The following GPHN variants were observed in gnomAD, a reference collection of about 807,000 sequenced individuals.
GPHN encodes the protein gephyrin.
GPHN carries 17 observed loss-of-function variants against 95.5 expected under a neutral mutation model. That is an observed-to-expected ratio of 0.18 (90% CI 0.12 to 0.27). The LOEUF is 0.27. Among genes scored for constraint, GPHN ranks in the 10% least tolerant of loss-of-function variants. The pLI, the probability that GPHN is intolerant of heterozygous loss-of-function variation, is 1.00. For synonymous variants in GPHN, 320 were observed against 322.5 expected (o/e 0.99, Z 0.08); for missense variants, 660 against 978.1 (o/e 0.67, Z 4.34).
At chr14:67,175,574 T>C (rs142043216) in intron 21 of GPHN, among the ~76,000 whole-genome samples, 2,218 of 152,288 alleles carry the variant, frequency 0.015, 41 homozygotes, top group African/African-American at 0.049. Context: ...CTTTTTTGGT[T>C]CCATATGAAC....
chr14:66,849,094 A>T (rs930370011), intron 4 of GPHN, among the ~76,000 whole-genome samples: 5 of 152,080 alleles, frequency 3.3e-5, no homozygotes, highest in Non-Finnish European at 5.9e-5. Flanking sequence ...ATATTTAGAA[A>T]GATTAAATGA....
At chr14:66,531,465 A>C (rs1197296392) in intron 1 of GPHN, among the ~76,000 whole-genome samples, 1 of 152,208 alleles carries the variant, frequency 6.6e-6, no homozygotes, top group Non-Finnish European at 1.5e-5. Flanking sequence ...ATTGTCAATT[A>C]TGCATCACAA....
the GPHN span, among the ~76,000 whole-genome samples, chr14:67,526,974 A>G: frequency 6.6e-6 from 1 of 152,200 alleles, no homozygotes; most frequent in Non-Finnish European, 1.5e-5. Context: ...TAATAGACCT[A>G]TTGGTTCAGG....
intron 1 of GPHN, among the ~76,000 whole-genome samples, chr14:66,665,952 G>C (rs1289098070): frequency 6.6e-6 from 1 of 152,130 alleles, no homozygotes; most frequent in Non-Finnish European, 1.5e-5. Context: ...TCCTTTGTAG[G>C]GGCATGGATG....
chr14:66,542,511 T>A (rs971700715), intron 1 of GPHN, among the ~76,000 whole-genome samples: 3 of 152,180 alleles, frequency 2.0e-5, no homozygotes, highest in Non-Finnish European at 2.9e-5. Context: ...TACCCATTAT[T>A]CTTTACTTTT....
intron 10 of GPHN, among the ~76,000 whole-genome samples, chr14:67,037,840 G>A (rs1306273200): frequency 1.3e-5 from 2 of 151,466 alleles, no homozygotes; most frequent in Non-Finnish European, 3.0e-5. Context: ...TGGAACCCTT[G>A]TGCCCTGTTG....
intron 9 of GPHN, among the ~76,000 whole-genome samples, chr14:67,014,368 T>C (rs766235098): frequency 1.3e-5 from 2 of 152,164 alleles, no homozygotes; most frequent in South Asian, 4.1e-4. Context: ...CTAATAATGG[T>C]AGAGCCAAAA....
At chr14:66,553,851 A>G (rs1267009209) in intron 1 of GPHN, among the ~76,000 whole-genome samples, 1 of 152,218 alleles carries the variant, frequency 6.6e-6, no homozygotes, top group African/African-American at 2.4e-5. Flanking sequence ...CTGGGATTAC[A>G]GGCATGAGCC....
At chr14:66,955,389 A>G (rs1308833806) in intron 8 of GPHN, among the ~76,000 whole-genome samples, 1 of 152,168 alleles carries the variant, frequency 6.6e-6, no homozygotes, top group African/African-American at 2.4e-5. Flanking sequence ...TTGTTGGCAT[A>G]CAGTTGTTCC....
chr14:66,675,221 G>A (rs1487010614), intron 1 of GPHN, among the ~76,000 whole-genome samples: 1 of 147,882 alleles, frequency 6.8e-6, no homozygotes, highest in Non-Finnish European at 1.5e-5. Context: ...TCGGCTCACT[G>A]CAACCTCTGC....
At chr14:66,833,090 G>A (rs1174054827) in intron 4 of GPHN, among the ~76,000 whole-genome samples, 1 of 152,098 alleles carries the variant, frequency 6.6e-6, no homozygotes. Context: ...GAGATTTACT[G>A]TATTAGTCTG....
the GPHN span, among the ~76,000 whole-genome samples, chr14:67,494,344 G>C: frequency 3.2e-3 from 480 of 152,338 alleles, 2 homozygotes; most frequent in Non-Finnish European, 4.5e-3. Flanking sequence ...AGGCCGAGAA[G>C]AGAATTTAGA....
the GPHN span, among the ~76,000 whole-genome samples, chr14:67,734,991 T>C: frequency 6.6e-6 from 1 of 152,224 alleles, no homozygotes; most frequent in Non-Finnish European, 1.5e-5. Flanking sequence ...GTTAAATATC[T>C]GGCTAGAGAA....
chr14:67,477,805 C>T, the GPHN span, among the ~76,000 whole-genome samples: 1 of 152,096 alleles, frequency 6.6e-6, no homozygotes, highest in Non-Finnish European at 1.5e-5. Flanking sequence ...TTATCTTTTC[C>T]CCAAAACCTG....
chr14:67,374,945 G>A, the GPHN span, among the ~76,000 whole-genome samples: 2 of 152,156 alleles, frequency 1.3e-5, no homozygotes, highest in African/African-American at 2.4e-5. Flanking sequence ...TGGGATGAGG[G>A]TAACGGAGAC....
chr14:67,667,038 C>T, the GPHN span, among the ~76,000 whole-genome samples: 1 of 152,126 alleles, frequency 6.6e-6, no homozygotes, highest in African/African-American at 2.4e-5. Context: ...CTTCAAATAC[C>T]ACTATCCCCC....
the GPHN span, among the ~76,000 whole-genome samples, chr14:67,348,008 G>A: frequency 6.6e-6 from 1 of 151,816 alleles, no homozygotes; most frequent in Non-Finnish European, 1.5e-5. Context: ...CGCCTCCTGG[G>A]GTCAAGTGAT....
At chr14:67,585,881 G>A in the GPHN span, 1 of 1,494,698 alleles carries the variant, frequency 6.7e-7, no homozygotes, top group Non-Finnish European at 9.1e-7. Flanking sequence ...AGAAGAGACA[G>A]GGGATGCTGG....
the GPHN span, among the ~76,000 whole-genome samples, chr14:67,505,770 G>A: frequency 4.0e-5 from 6 of 151,422 alleles, no homozygotes; most frequent in South Asian, 2.1e-4. Context: ...GCAGTGGTGC[G>A]ATCTCAGCTC....
Sources: gnomAD v4.1 joint callset for allele counts (sites outside exome capture counted in the v4.1 genomes callset) on GRCh38, gnomAD v4.1.1 for gene constraint, MANE v1.5 for transcripts, NCBI Gene and HGNC (gene_info 2026-07-23, HGNC 2026-07-21) for gene names.